The following RNF6 variants were observed in gnomAD, a reference collection of about 807,000 sequenced individuals.
RNF6 encodes E3 ubiquitin-protein ligase RNF6.
A neutral mutation model predicts 50.1 loss-of-function variants in RNF6; 21 were observed. The observed-to-expected ratio is 0.42, with a 90% CI of 0.30 to 0.60. The LOEUF (loss-of-function observed/expected upper bound fraction) is 0.60. Ranked by LOEUF, RNF6 falls within the 20% of genes least tolerant of loss-of-function variation. The pLI is 0.20. For synonymous variants in RNF6, 255 were observed against 291.8 expected (o/e 0.87, Z 1.29); for missense variants, 698 against 838.2 (o/e 0.83, Z 2.07).
downstream of RNF6, among the ~76,000 whole-genome samples, chr13:26,208,720 A>G (rs1031430018): frequency 6.6e-6 from 1 of 152,206 alleles, no homozygotes; most frequent in Admixed American, 6.5e-5. Flanking sequence ...ACATGGTTGC[A>G]ATGGACTGGT....
At chr13:26,149,661 T>G (rs990126061) in intron 5 of RNF6, among the ~76,000 whole-genome samples, 4 of 151,432 alleles carry the variant, frequency 2.6e-5, no homozygotes, top group African/African-American at 9.7e-5. Flanking sequence ...ATAATTGATT[T>G]TAGTTTCATT....
At chr13:26,220,319 A>AC (rs1249598818) in intron 2 of RNF6, among the ~76,000 whole-genome samples, 1 of 152,200 alleles carries the variant, frequency 6.6e-6, no homozygotes, top group Non-Finnish European at 1.5e-5. Flanking sequence ...GCATCAGAGC[A>AC]CTTTGTATCA....
At chr13:26,148,652 A>C (rs1228711423) in intron 5 of RNF6, among the ~76,000 whole-genome samples, 4 of 131,004 alleles carry the variant, frequency 3.1e-5, no homozygotes, top group African/African-American at 1.1e-4. Context: ...ATATATATAT[A>C]TATATATATA....
In RNF6 at chr13:26,144,907, T is replaced by C. The variant is rs139753084; in HGVS notation, n.769-12456A>G. On this transcript the variant is annotated intron_variant and non_coding_transcript_variant, in intron 5 of 5. Transcript: ENST00000468480. ...TCCATTTGGCAATGGAGTGCTATTG[T>C]GCATGCCCAATTTTATGGCTTGGTG... 3.3e-5 allele frequency: 5 copies of C among 152,350 alleles called. No individual in the cohort carries two copies. The East Asian group carries it at 9.7e-4, about 29-fold the overall frequency. 9.4% of individuals were successfully genotyped at this position (152,350 alleles called of 1,614,324 possible).
chr13:26,199,513 A>T (rs1008288200), intron 5 of RNF6, among the ~76,000 whole-genome samples: 28 of 152,230 alleles, frequency 1.8e-4, no homozygotes, highest in Non-Finnish European at 7.3e-5. Context: ...GGACCAAAAA[A>T]GAAAAACATT....
chr13:26,133,964 T>A (rs533899353), intron 5 of RNF6, among the ~76,000 whole-genome samples: 79 of 152,230 alleles, frequency 5.2e-4, no homozygotes, highest in Non-Finnish European at 9.7e-4. Context: ...GGATATCATT[T>A]AAACTGTCTG....
At chr13:26,177,392 A>C (rs1038870586) in intron 5 of RNF6, among the ~76,000 whole-genome samples, 1 of 152,206 alleles carries the variant, frequency 6.6e-6, no homozygotes, top group Non-Finnish European at 1.5e-5. Context: ...TGGATTCTTC[A>C]TAGACTCTCT....
At chr13:26,210,893 G>C (rs944451207), downstream of RNF6, among the ~76,000 whole-genome samples, 1 of 152,204 alleles carries the variant, frequency 6.6e-6, no homozygotes, top group Non-Finnish European at 1.5e-5. Flanking sequence ...TAGGAAAAGA[G>C]AAAACAGGGT....
intron 5 of RNF6, among the ~76,000 whole-genome samples, chr13:26,159,970 G>A (rs1044299523): frequency 6.6e-6 from 1 of 152,022 alleles, no homozygotes; most frequent in African/African-American, 2.4e-5. Context: ...ATTTGTAGAG[G>A]CTAAAATTTT....
intron 5 of RNF6, among the ~76,000 whole-genome samples, chr13:26,181,131 C>G (rs547889576): frequency 2.0e-5 from 3 of 152,102 alleles, no homozygotes; most frequent in Non-Finnish European, 4.4e-5. Flanking sequence ...GACAAGGCAC[C>G]GGACTAGATC....
chr13:26,176,646 A>G (rs1307786589), intron 5 of RNF6, among the ~76,000 whole-genome samples: 1 of 152,194 alleles, frequency 6.6e-6, no homozygotes, highest in East Asian at 1.9e-4. Context: ...GAAGAGGAAA[A>G]TGCAGGCTGG....
At chr13:26,153,548 T>C (rs1871746390) in intron 5 of RNF6, among the ~76,000 whole-genome samples, 1 of 152,158 alleles carries the variant, frequency 6.6e-6, no homozygotes, top group Admixed American at 6.5e-5. Flanking sequence ...ATAGATAGAT[T>C]AATACCTTCT....
At chr13:26,174,611 G>T (rs522097) in intron 5 of RNF6, among the ~76,000 whole-genome samples, 5 of 151,812 alleles carry the variant, frequency 3.3e-5, no homozygotes, top group Admixed American at 3.3e-4. Context: ...TCAAAAAAAA[G>T]AAAACAAACC....
intron 5 of RNF6, among the ~76,000 whole-genome samples, chr13:26,179,270 C>T (rs1873122040): frequency 6.6e-6 from 1 of 152,144 alleles, no homozygotes; most frequent in South Asian, 2.1e-4. Context: ...CAGACACTCG[C>T]ATAACAAGTC....
Position 26,215,561 on chromosome 13 carries a change from T to G in RNF6, c.321A>C (p.Glu107Asp). 7 of 1,608,164 alleles carry G rather than the reference T, an allele frequency of 4.4e-6. No homozygotes were observed. Among genetic ancestry groups the G allele is most frequent in the Non-Finnish European group, 5.9e-6 (7 of 1,179,682 alleles). ...TGTTCAACCATTCTAGAAGAGAATC[T>G]TCATGTGAACTTTCTCTAGGGACTT... is the stretch of plus-strand genomic sequence containing the variant. Reference protein sequence around the residue: ...DSEVPRESSHEDSLLEWLNTF... With the variant: ...DSEVPRESSHDDSLLEWLNTF... Residue 107 changes from glutamate to aspartate, a missense_variant, in exon 5 of 5, where the codon GAA becomes GAC. By Grantham distance (45) the Glu-to-Asp change is conservative (BLOSUM62 2). Transcript: ENST00000381588.
At chr13:26,204,754 T>C (rs978901686) in intron 5 of RNF6, among the ~76,000 whole-genome samples, 1 of 152,118 alleles carries the variant, frequency 6.6e-6, no homozygotes, top group African/African-American at 2.4e-5. Context: ...GCCTAAGAAA[T>C]ATGACTATTC....
intron 5 of RNF6, among the ~76,000 whole-genome samples, chr13:26,141,471 T>C (rs999858659): frequency 5.4e-5 from 8 of 149,334 alleles, no homozygotes; most frequent in African/African-American, 1.2e-4. Context: ...GATTACCCAA[T>C]TGCAAACTGT....
intron 5 of RNF6, among the ~76,000 whole-genome samples, chr13:26,144,381 A>AT (rs34266191): frequency 0.46 from 69,153 of 150,150 alleles, 17,224 homozygotes; most frequent in Non-Finnish European, 0.56. Flanking sequence ...AAATATCTTC[A>AT]TTTTTTTTTT....
intron 5 of RNF6, among the ~76,000 whole-genome samples, chr13:26,144,552 A>C (rs1871134096): frequency 6.6e-6 from 1 of 152,140 alleles, no homozygotes; most frequent in Non-Finnish European, 1.5e-5. Flanking sequence ...TCTCCTTCCA[A>C]GCAATGTAAA....
Sources: gnomAD v4.1 joint callset for allele counts (sites outside exome capture counted in the v4.1 genomes callset) on GRCh38, gnomAD v4.1.1 for gene constraint, MANE v1.5 for transcripts, NCBI Gene and HGNC (gene_info 2026-07-23, HGNC 2026-07-21) for gene names.